Variants in BCAS3 observed in about 807,000 individuals in gnomAD.
BCAS3 encodes BCAS3 microtubule associated cell migration factor, also known as BCAS4/BCAS3 fusion.
BCAS3 carries 53 observed loss-of-function variants against 116.1 expected under a neutral mutation model. That is an observed-to-expected ratio of 0.46 (90% confidence interval 0.37 to 0.57). BCAS3 has a LOEUF of 0.57. Ranked by LOEUF, BCAS3 falls within the 20% of genes least tolerant of loss-of-function variation. The pLI, the probability that BCAS3 is intolerant of heterozygous loss-of-function variation, is 0.00. For missense variants in BCAS3, 917 were observed against 1,165.4 expected, an observed-to-expected ratio of 0.79 and a Z score of 3.10; for synonymous variants, 391 against 408.2, an observed-to-expected ratio of 0.96 and a Z score of 0.51.
rs1439365524 is a variant in BCAS3, at chr17:61,380,371, C to T, written c.2594-11606C>T. 1.1e-5 allele frequency: 8 copies of T among 747,960 alleles called. No individual in the cohort carries two copies. Among genetic ancestry groups the T allele is most frequent in the Non-Finnish European group, 1.8e-5 (8 of 439,390 alleles). 46.3% of individuals were successfully genotyped at this position (747,960 alleles called of 1,614,324 possible). The stretch of plus-strand genomic sequence containing the variant: ...TAGATGTGCTGTGCCTGGGAACAGA[C>T]CATGAACACCCCCGCAAAGCTCTCA... On this transcript the variant is annotated intron_variant, in intron 23 of 23. Transcript: ENST00000407086. The surrounding 1 kb of genome is among the most constrained non-coding windows in gnomAD (Gnocchi z 4.2).
intron 14 of BCAS3, among the ~76,000 whole-genome samples, chr17:60,971,009 T>G (rs2061928474): frequency 6.6e-6 from 1 of 152,146 alleles, no homozygotes; most frequent in Non-Finnish European, 1.5e-5. Context: ...GGCAAAACAT[T>G]TATTATGGAT....
Position 61,388,934 on chromosome 17 carries a change from A to G in BCAS3, c.2594-3043A>G. The G allele has an allele frequency of 1.9e-6, 1 of 534,008 alleles. No homozygotes were observed. The highest frequency in any genetic ancestry group is 3.1e-5 in the East Asian group (1 of 32,668). The allele number at this position is 534,008 out of a possible 1,614,324, so 33.1% of individuals were successfully genotyped here. On this transcript the variant is annotated intron_variant, in intron 23 of 23. Transcript: ENST00000407086. The surrounding 1 kb of genome is among the most constrained non-coding windows in gnomAD (Gnocchi z 6.5). ...TCTTTCAGTTAGTCTGTGTTGAAGAATGGGCCCCCACCTCCCCTTACCACA... is the reference window on the plus strand; with the variant it reads ...TCTTTCAGTTAGTCTGTGTTGAAGAGTGGGCCCCCACCTCCCCTTACCACA...
At chr17:60,865,900 G>A (rs1412484368) in intron 7 of BCAS3, among the ~76,000 whole-genome samples, 2 of 152,228 alleles carry the variant, frequency 1.3e-5, no homozygotes, top group African/African-American at 4.8e-5. Context: ...ACTTTATAAG[G>A]TAGAAGAAAT....
intron 22 of BCAS3, among the ~76,000 whole-genome samples, chr17:61,255,409 A>G (rs1044411843): frequency 2.0e-5 from 3 of 152,208 alleles, no homozygotes; most frequent in Non-Finnish European, 4.4e-5. Flanking sequence ...TAGTTTCCAC[A>G]TCACACTTTC....
intron 22 of BCAS3, among the ~76,000 whole-genome samples, chr17:61,094,093 TATC>T (rs2073809978): frequency 6.6e-6 from 1 of 152,258 alleles, no homozygotes; most frequent in South Asian, 2.1e-4. Context: ...GGTGGCCTGT[TATC>T]ATAGTAAAGG....
chr17:60,691,878 G>A (rs1316922447), intron 4 of BCAS3, among the ~76,000 whole-genome samples: 1 of 151,802 alleles, frequency 6.6e-6, no homozygotes. Context: ...TAGTTTTTAA[G>A]GGTGATTGTT....
intron 22 of BCAS3, among the ~76,000 whole-genome samples, chr17:61,210,787 T>C (rs1309370448): frequency 6.6e-6 from 1 of 152,200 alleles, no homozygotes; most frequent in Admixed American, 6.5e-5. Context: ...GCACACTCTC[T>C]ATCCCATCTC....
In BCAS3 at chr17:61,203,629, T is replaced by C. The variant is rs2080964714; in HGVS notation, c.2425+119065T>C. Among the ~76,000 whole-genome samples the C allele has an allele frequency of 6.6e-6, 1 of 152,212 alleles. No individual in the cohort carries two copies. The highest frequency in any genetic ancestry group is 2.4e-5 in the African/African-American group (1 of 41,458). On this transcript the variant is annotated intron_variant, in intron 22 of 23. Transcript: ENST00000407086. This position sits in a 1 kb window ranked among gnomAD's most constrained non-coding sequence, Gnocchi z 5.7. ...AGAAAAGTGATCAAAAAACACTTGATATTTTTAAATTCGTGGAAACTTTGA... is the reference window on the plus strand; with the variant it reads ...AGAAAAGTGATCAAAAAACACTTGACATTTTTAAATTCGTGGAAACTTTGA...
At chr17:61,218,292 C>G (rs2081920184) in intron 22 of BCAS3, among the ~76,000 whole-genome samples, 1 of 152,092 alleles carries the variant, frequency 6.6e-6, no homozygotes, top group Non-Finnish European at 1.5e-5. Context: ...CTTTTCCTAG[C>G]CGAAAGACTG....
At chr17:61,002,476 A>AAC (rs2064313350) in intron 15 of BCAS3, 2 of 116,768 alleles carry the variant, frequency 1.7e-5, no homozygotes, top group African/African-American at 2.0e-4. Flanking sequence ...ATATTTTCTC[A>AAC]TTGTAATCAA....
chr17:60,778,904 T>C (rs1187154947), intron 6 of BCAS3, among the ~76,000 whole-genome samples: 10 of 152,218 alleles, frequency 6.6e-5, no homozygotes, highest in Non-Finnish European at 8.8e-5. Context: ...ATAGTTTGTA[T>C]ACATATTAAC....
rs370126039 is a variant in BCAS3, at chr17:61,126,758, T to C, written c.2425+42194T>C. Among the ~76,000 whole-genome samples the C allele has an allele frequency of 6.6e-6, 1 of 152,184 alleles. No individual in the cohort carries two copies. Among genetic ancestry groups the C allele is most frequent in the East Asian group, 1.9e-4 (1 of 5,206 alleles). On this transcript the variant is annotated intron_variant, in intron 22 of 23. Transcript: ENST00000407086. This position sits in a 1 kb window ranked among gnomAD's most constrained non-coding sequence, Gnocchi z 4.6. ...GTAGTGTTTTTCAAATGACTGATTA[T>C]TCTTGTAACCTTTAACATGAACTGT... is the stretch of plus-strand genomic sequence containing the variant.
intron 22 of BCAS3, among the ~76,000 whole-genome samples, chr17:61,257,017 A>G (rs1322898814): frequency 6.6e-6 from 1 of 152,196 alleles, no homozygotes; most frequent in Admixed American, 6.5e-5. Flanking sequence ...TTTACACAGC[A>G]TTTCCGCTCA....
intron 13 of BCAS3, among the ~76,000 whole-genome samples, chr17:60,946,410 G>C (rs2060498841): frequency 6.6e-6 from 1 of 152,094 alleles, no homozygotes; most frequent in African/African-American, 2.4e-5. Flanking sequence ...GTTAGGCAAA[G>C]AATTCTTAGC....
chr17:60,942,332 C>G (rs2060267361), intron 13 of BCAS3, among the ~76,000 whole-genome samples: 1 of 152,112 alleles, frequency 6.6e-6, no homozygotes, highest in Admixed American at 6.5e-5. Flanking sequence ...GAGGCTGTGG[C>G]AGGAGAATTG....
At chr17:60,807,915 C>CT in intron 6 of BCAS3, 89 bp from the exon 7 acceptor site, 1 of 889,234 alleles carries the variant, frequency 1.1e-6, no homozygotes, top group Non-Finnish European at 1.7e-6. Context: ...AATACTTCTC[C>CT]TTTTCAAGTA....
At chr17:61,175,276 G>A (rs776147264) in intron 22 of BCAS3, among the ~76,000 whole-genome samples, 6 of 152,136 alleles carry the variant, frequency 3.9e-5, no homozygotes, top group Non-Finnish European at 7.4e-5. Context: ...GTGTGGTGGT[G>A]CATGGCCATA....
At chr17:61,209,512 T>C (rs557667506) in intron 22 of BCAS3, among the ~76,000 whole-genome samples, 56 of 152,316 alleles carry the variant, frequency 3.7e-4, no homozygotes, top group African/African-American at 1.3e-3. Context: ...ATATTTGGAA[T>C]TTCAGTGCAG....
intron 7 of BCAS3, among the ~76,000 whole-genome samples, chr17:60,845,444 A>G (rs1171791010): frequency 6.6e-6 from 1 of 152,194 alleles, no homozygotes; most frequent in Non-Finnish European, 1.5e-5. Context: ...TGATATAATA[A>G]AACAGACCAC....
Sources: allele counts gnomAD v4.1 joint callset (sites outside exome capture counted in the v4.1 genomes callset), GRCh38; gene constraint gnomAD v4.1.1; non-coding constraint Gnocchi (gnomAD v3.1); transcripts MANE v1.5; gene names NCBI Gene and HGNC (gene_info 2026-07-23, HGNC 2026-07-21).